Variants in DNAH11 observed in about 807,000 individuals in gnomAD.
The protein encoded by DNAH11 is dynein axonemal heavy chain 11.
A neutral mutation model predicts 526.0 loss-of-function variants in DNAH11; 442 were observed. The ratio of observed to expected loss-of-function variants is 0.84; its 90% CI spans 0.78 to 0.91. DNAH11 has a LOEUF of 0.91. Among genes scored for constraint, DNAH11 ranks in the 40% least tolerant of loss-of-function variants. The pLI is 0.00. For missense variants in DNAH11, 6,989 were observed against 5,448.7 expected (o/e 1.28, Z -8.90); for synonymous variants, 2,461 against 1,935.9 (o/e 1.27, Z -7.12).
At chr7:21,734,735 G>A (rs1229002918) in intron 45 of DNAH11, among the ~76,000 whole-genome samples, 5 of 152,134 alleles carry the variant, frequency 3.3e-5, no homozygotes, top group Non-Finnish European at 7.4e-5. Flanking sequence ...GTGCATGCCT[G>A]TAGTCTCAGC....
At chr7:21,851,443 G>C (rs1349263544) in intron 66 of DNAH11, 2 of 423,466 alleles carry the variant, frequency 4.7e-6, no homozygotes, top group Admixed American at 5.4e-5. Flanking sequence ...AATACATCCA[G>C]GTCATATTAG....
intron 12 of DNAH11, among the ~76,000 whole-genome samples, chr7:21,590,175 A>G: frequency 6.6e-6 from 1 of 152,274 alleles, no homozygotes; most frequent in East Asian, 1.9e-4. Context: ...GTGTATGTGT[A>G]TATAATTATA....
intron 30 of DNAH11, among the ~76,000 whole-genome samples, chr7:21,663,275 G>C (rs1210591145): frequency 6.6e-6 from 1 of 152,038 alleles, no homozygotes; most frequent in South Asian, 2.1e-4. Context: ...GAATAGTGTT[G>C]CAATAAACAT....
intron 18 of DNAH11, among the ~76,000 whole-genome samples, chr7:21,603,253 C>T (rs1785160303): frequency 6.6e-6 from 1 of 152,216 alleles, no homozygotes. Context: ...CTTTTTATGG[C>T]TGAATAACAT....
At chr7:21,578,062 G>A (rs1784168095) in intron 8 of DNAH11, among the ~76,000 whole-genome samples, 1 of 152,120 alleles carries the variant, frequency 6.6e-6, no homozygotes, top group Non-Finnish European at 1.5e-5. Flanking sequence ...GAAGATGAAG[G>A]GGAAGCAAGG....
intron 30 of DNAH11, among the ~76,000 whole-genome samples, chr7:21,662,419 C>T (rs1253686422): frequency 6.6e-6 from 1 of 152,042 alleles, no homozygotes; most frequent in Non-Finnish European, 1.5e-5. Context: ...GTCTATGAAT[C>T]ATTTCAAAGG....
chr7:21,701,994 A>G (rs982966141), intron 36 of DNAH11, among the ~76,000 whole-genome samples: 1 of 152,174 alleles, frequency 6.6e-6, no homozygotes, highest in African/African-American at 2.4e-5. Flanking sequence ...AGCACCGTGC[A>G]ATGTGCTAGC....
intron 8 of DNAH11, among the ~76,000 whole-genome samples, chr7:21,573,907 T>C (rs1454107604): frequency 6.6e-6 from 1 of 152,228 alleles, no homozygotes; most frequent in African/African-American, 2.4e-5. Context: ...CACTGGTAAT[T>C]TGCTTTTTGA....
rs751325912 is a variant in DNAH11, at chr7:21,655,843, C to T, written c.4956C>T (p.His1652=). 10 of 1,612,740 alleles carry T rather than the reference C, an allele frequency of 6.2e-6. No homozygotes were observed. The highest frequency in any genetic ancestry group is 1.3e-5 in the African/African-American group (1 of 74,870). ...TATTCTCATTTTAGGTAACATGTCA[C>T]CTTGCCAAACTTTTCGACAGCATTG... ...KGAQPKQVTC[H]LAKLFDSIAD... Residue 1652 remains histidine, a synonymous_variant, in exon 29 of 82, where the codon CAC becomes CAT. Coordinates refer to ENST00000409508, the MANE Select transcript of DNAH11 (RefSeq NM_001277115.2).
chr7:21,792,361 A>C (rs1355953696), intron 61 of DNAH11, among the ~76,000 whole-genome samples: 1 of 152,052 alleles, frequency 6.6e-6, no homozygotes, highest in African/African-American at 2.4e-5. Context: ...TGAGATACTG[A>C]CTGTAGTTTC....
At chr7:21,861,750 C>G (rs1198443860) in intron 68 of DNAH11, 103 bp from the exon 69 acceptor site, 1 of 1,421,308 alleles carries the variant, frequency 7.0e-7, no homozygotes, top group East Asian at 2.5e-5. Flanking sequence ...GCCTCATTCT[C>G]ACTCCCTATA....
intron 22 of DNAH11, 130 bp from the exon 23 acceptor site, chr7:21,617,489 G>A: frequency 9.1e-7 from 1 of 1,097,656 alleles, no homozygotes; most frequent in South Asian, 1.6e-5. Context: ...TTGCTCCTTG[G>A]TCTAGGAGTT....
chr7:21,588,283 AT>A (rs1784543580), intron 10 of DNAH11, 82 bp downstream of exon 10: 2 of 1,483,604 alleles, frequency 1.3e-6, no homozygotes, highest in Admixed American at 4.7e-5. Context: ...ATGTGATTAT[AT>A]CTAAAGATTA....
intron 66 of DNAH11, among the ~76,000 whole-genome samples, chr7:21,845,872 A>C (rs1485451868): frequency 3.9e-5 from 6 of 152,204 alleles, no homozygotes; most frequent in Non-Finnish European, 7.3e-5. Context: ...ATTCATCAAC[A>C]TGCAATATCT....
intron 61 of DNAH11, among the ~76,000 whole-genome samples, chr7:21,796,033 C>T (rs1788700874): frequency 1.3e-5 from 2 of 152,078 alleles, no homozygotes; most frequent in South Asian, 2.1e-4. Context: ...TGTGGGGTCT[C>T]TTGTGGTGAA....
At chr7:21,629,184 T>A (rs1419970010) in intron 25 of DNAH11, among the ~76,000 whole-genome samples, 2 of 152,154 alleles carry the variant, frequency 1.3e-5, no homozygotes, top group African/African-American at 4.8e-5. Context: ...TAGGAGCATG[T>A]TGTTTAATTT....
rs1782647340 is a variant in DNAH11 at position 21,543,084 on chromosome 7, T to C, written c.-162T>C. ...CCTGCGAGGCTACAGCTGTGCGCAG[T>C]GGCGCGGCTGCTAAGTAGCAGCAGG... On this transcript the variant is annotated 5_prime_UTR_variant, in exon 1 of 82. Transcript: ENST00000409508. 7.2e-7 allele frequency: 1 copy of C among 1,391,764 alleles called. No homozygotes were observed. The highest frequency in any genetic ancestry group is 3.0e-5 in the Admixed American group (1 of 33,030). The allele number at this position is 1,391,764 out of a possible 1,614,324, so 86.2% of individuals were successfully genotyped here. A position where few individuals can be genotyped will look rare whatever the true frequency, so the allele number is the denominator to read the frequency against.
At chr7:21,797,890 C>G (rs1276740664) in intron 61 of DNAH11, among the ~76,000 whole-genome samples, 1 of 152,212 alleles carries the variant, frequency 6.6e-6, no homozygotes, top group Non-Finnish European at 1.5e-5. Context: ...TATTTGCACA[C>G]CAAGCTAACT....
Position 21,625,041 on chromosome 7 carries a change from A to G in DNAH11, c.4500+4963A>G, listed in dbSNP as rs143142118. Among the ~76,000 whole-genome samples, 488 of 151,932 alleles carry G rather than the reference A, an allele frequency of 3.2e-3. 2 individuals carry two copies. Among genetic ancestry groups the G allele is most frequent in the African/African-American group, 0.01 (435 of 41,438 alleles). ...GTTTGGCTTTGGTATCAGAATAATC[A>G]TGGCCTCATAAAGTGAGTTTGGAAG... On this transcript the variant is annotated intron_variant, in intron 25 of 81. Coordinates refer to ENST00000409508, the MANE Select transcript of DNAH11 (RefSeq NM_001277115.2).
Sources: allele counts gnomAD v4.1 joint callset (sites outside exome capture counted in the v4.1 genomes callset), GRCh38; gene constraint gnomAD v4.1.1; transcripts MANE v1.5; gene names NCBI Gene and HGNC (gene_info 2026-07-23, HGNC 2026-07-21).